The following GAREM1 variants were observed in gnomAD, a reference collection of about 807,000 sequenced individuals.
The protein encoded by GAREM1 is GRB2 associated regulator of MAPK1 subtype 1.
Under a neutral mutation model 71.3 loss-of-function variants are expected in GAREM1, and 26 were observed. That is an observed-to-expected ratio of 0.36 (90% CI 0.27 to 0.51). The LOEUF (loss-of-function observed/expected upper bound fraction) is 0.51, where lower values mean the gene tolerates loss of function less well. Among genes scored for constraint, GAREM1 ranks in the 20% least tolerant of loss-of-function variants. The pLI is 0.95. For synonymous variants in GAREM1, 440 were observed against 433.2 expected, an observed-to-expected ratio of 1.02 and a Z score of -0.20; for missense variants, 1,026 against 1,103.1, an observed-to-expected ratio of 0.93 and a Z score of 0.99.
intron 2 of GAREM1, among the ~76,000 whole-genome samples, chr18:32,330,635 C>T (rs2047523612): frequency 6.7e-6 from 1 of 148,484 alleles, no homozygotes; most frequent in South Asian, 2.1e-4. Context: ...GTATACAAAC[C>T]ACTGCACTTT....
Position 32,266,193 on chromosome 18 carries a change from C to G in GAREM1, c.*1678G>C, listed in dbSNP as rs772282812. ...TATCAATTCACTTCAACTCTAAAACCACGATATGGATTAAAAATATCTTTC... is the reference window on the plus strand; with the variant it reads ...TATCAATTCACTTCAACTCTAAAACGACGATATGGATTAAAAATATCTTTC... On this transcript the variant is annotated 3_prime_UTR_variant, in exon 6 of 6. Transcript: ENST00000269209. 23 of 152,044 alleles carry G rather than the reference C, an allele frequency of 1.5e-4. No individual in the cohort carries two copies. Among genetic ancestry groups the G allele is most frequent in the Non-Finnish European group, 1.0e-4 (7 of 68,000 alleles). The allele number at this position is 152,044 out of a possible 1,614,324, so 9.4% of individuals were successfully genotyped here. A position where few individuals can be genotyped will look rare whatever the true frequency, so the allele number is the denominator to read the frequency against.
At chr18:32,393,186 T>G (rs577740075) in intron 1 of GAREM1, 151 bp from the exon 2 acceptor site, 7 of 704,532 alleles carry the variant, frequency 9.9e-6, no homozygotes, top group East Asian at 2.8e-5. Context: ...AATTGTTTTT[T>G]TTTTTTTTTT....
Position 32,287,808 on chromosome 18 carries a change from G to A in GAREM1, c.789C>T (p.His263=), listed in dbSNP as rs1276784504. ...TATAGCGGTGCCCCTCACGGATGAA[G>A]TGGAGGTCGTATGGGTTTCTCGGTG... ...SPPPRNPYDL[H]FIREGHRYKF... Residue 263 remains histidine, a synonymous_variant, in exon 4 of 6, where the codon CAC becomes CAT. Transcript: ENST00000269209. The surrounding 1 kb of genome is among the most constrained non-coding windows in gnomAD (Gnocchi z 5.9). 6.2e-7 allele frequency: 1 copy of A among 1,613,920 alleles called. No homozygotes were observed. Among genetic ancestry groups the A allele is most frequent in the Admixed American group, 1.7e-5 (1 of 60,006 alleles).
At chr18:32,343,743 C>T (rs184171389) in intron 2 of GAREM1, among the ~76,000 whole-genome samples, 55 of 152,302 alleles carry the variant, frequency 3.6e-4, no homozygotes, top group African/African-American at 1.2e-3. Context: ...CATGCACTTA[C>T]GGCAACTTCA....
At position 32,470,323 on chromosome 18, in the gene GAREM1, C is replaced by A; in HGVS notation, c.106G>T (p.Ala36Ser). ...TGGGACTCACCGTTGTCCAGGCGCG[C>A]GATCTGGGGCAGCCGGTAAGTGCTG... is the stretch of plus-strand genomic sequence containing the variant. ...LVSTYRLPQIARLDNGECVEG... is the reference protein window; with the variant it reads ...LVSTYRLPQISRLDNGECVEG... Residue 36 changes from alanine to serine, a missense_variant, in exon 1 of 6, where the codon GCG becomes TCG. By Grantham distance (99) the Ala-to-Ser change is moderately conservative (BLOSUM62 1). Around this residue, in one of 3 missense-constraint regions of GAREM1, gnomAD observed 172 missense variants for 175.2 expected, o/e 0.98. Coordinates refer to ENST00000269209, the MANE Select transcript of GAREM1 (RefSeq NM_001242409.2). The surrounding 1 kb of genome is among the most constrained non-coding windows in gnomAD (Gnocchi z 4.4). 1 of 1,557,072 alleles carries A rather than the reference C, an allele frequency of 6.4e-7. No homozygotes were observed. Among genetic ancestry groups the A allele is most frequent in the East Asian group, 2.6e-5 (1 of 38,794 alleles).
chr18:32,361,039 G>A (rs1315579800), intron 2 of GAREM1, among the ~76,000 whole-genome samples: 1 of 152,142 alleles, frequency 6.6e-6, no homozygotes, highest in Non-Finnish European at 1.5e-5. Context: ...TGATAGACTT[G>A]ATTTTTTATC....
chr18:32,385,197 A>G (rs114286425), intron 2 of GAREM1, among the ~76,000 whole-genome samples: 1,928 of 151,886 alleles, frequency 0.013, 52 homozygotes, highest in African/African-American at 0.045. Flanking sequence ...TTTTTTAAAT[A>G]AAATTTTTAT....
intron 2 of GAREM1, among the ~76,000 whole-genome samples, chr18:32,376,392 C>A (rs2048030598): frequency 6.6e-6 from 1 of 152,210 alleles, no homozygotes; most frequent in Non-Finnish European, 1.5e-5. Context: ...ACGTTTACAT[C>A]TCGTCACTAA....
intron 3 of GAREM1, among the ~76,000 whole-genome samples, chr18:32,297,280 C>T (rs2047151458): frequency 6.6e-6 from 1 of 152,256 alleles, no homozygotes; most frequent in South Asian, 2.1e-4. Context: ...TTCAATCTTG[C>T]CTTTACAGTG....
intron 4 of GAREM1, among the ~76,000 whole-genome samples, chr18:32,279,041 C>A (rs2144439358): frequency 6.6e-6 from 1 of 152,240 alleles, no homozygotes; most frequent in Non-Finnish European, 1.5e-5. Flanking sequence ...ACTTGTTTAA[C>A]ATTTAGGGTG....
chr18:32,279,761 G>A (rs573244981), intron 4 of GAREM1, among the ~76,000 whole-genome samples: 2 of 152,186 alleles, frequency 1.3e-5, no homozygotes, highest in Non-Finnish European at 2.9e-5. Context: ...CTGGTCCCTG[G>A]TGCCAAAAAG....
chr18:32,306,027 C>T (rs987327158), intron 3 of GAREM1, among the ~76,000 whole-genome samples: 1 of 152,186 alleles, frequency 6.6e-6, no homozygotes, highest in African/African-American at 2.4e-5. Context: ...TGAAACTTAC[C>T]TTGACTAAAC....
intron 2 of GAREM1, among the ~76,000 whole-genome samples, chr18:32,360,053 C>T (rs988856528): frequency 5.9e-5 from 9 of 152,006 alleles, no homozygotes; most frequent in Non-Finnish European, 1.2e-4. Flanking sequence ...AAATGTTGAT[C>T]CTCATGGAGA....
intron 1 of GAREM1, among the ~76,000 whole-genome samples, chr18:32,416,198 A>G (rs1441466708): frequency 6.6e-6 from 1 of 152,134 alleles, no homozygotes; most frequent in Non-Finnish European, 1.5e-5. Context: ...AAAACTATAA[A>G]ACACTGAGGA....
intron 2 of GAREM1, among the ~76,000 whole-genome samples, chr18:32,335,132 C>A (rs2047577042): frequency 6.6e-6 from 1 of 152,224 alleles, no homozygotes; most frequent in Non-Finnish European, 1.5e-5. Flanking sequence ...AGAACTCACT[C>A]AAGGCAACGA....
intron 3 of GAREM1, chr18:32,290,448 A>C (rs2047069335): frequency 6.6e-6 from 1 of 152,106 alleles, no homozygotes; most frequent in South Asian, 2.1e-4. Flanking sequence ...ACCTGAGACC[A>C]TCCTGGCTGA....
chr18:32,370,695 G>A (rs539590614), intron 2 of GAREM1, among the ~76,000 whole-genome samples: 21 of 152,196 alleles, frequency 1.4e-4, no homozygotes, highest in African/African-American at 4.8e-4. Flanking sequence ...TTAGATTGGC[G>A]ATCAGTAATA....
At chr18:32,385,177 T>C (rs938263469) in intron 2 of GAREM1, among the ~76,000 whole-genome samples, 6 of 151,864 alleles carry the variant, frequency 4.0e-5, no homozygotes, top group Non-Finnish European at 7.4e-5. Flanking sequence ...CTTTCTTGGC[T>C]TCCCTTTTTT....
chr18:32,439,273 G>C (rs1205763553), intron 1 of GAREM1, among the ~76,000 whole-genome samples: 1 of 152,074 alleles, frequency 6.6e-6, no homozygotes, highest in Non-Finnish European at 1.5e-5. Context: ...AAGAATTATA[G>C]AGAAAAGAAA....
Sources: allele counts gnomAD v4.1 joint callset (sites outside exome capture counted in the v4.1 genomes callset), GRCh38; gene constraint gnomAD v4.1.1; regional missense constraint gnomAD v4.1.1; non-coding constraint Gnocchi (gnomAD v3.1); transcripts MANE v1.5; gene names NCBI Gene and HGNC (gene_info 2026-07-23, HGNC 2026-07-21).